The following ZNF730 variants were observed in gnomAD, a reference collection of about 807,000 sequenced individuals.
ZNF730 encodes putative zinc finger protein 730.
In ZNF730, 12 loss-of-function variants were observed where a neutral mutation model predicts 12.6. The ratio of observed to expected loss-of-function variants is 0.95; its 90% CI spans 0.61 to 1.54. The LOEUF is 1.54. Among genes scored for constraint, ZNF730 ranks in the 40% most tolerant of loss-of-function variants. ZNF730 has a pLI of 0.00. For synonymous variants in ZNF730, 194 were observed against 195.8 expected, an observed-to-expected ratio of 0.99 and a Z score of 0.08; for missense variants, 643 against 583.5, an observed-to-expected ratio of 1.10 and a Z score of -1.05.
chr19:23,129,128 G>C (rs1157148993), intron 1 of ZNF730, among the ~76,000 whole-genome samples: 1 of 152,210 alleles, frequency 6.6e-6, no homozygotes. Flanking sequence ...TTTGCAGCAG[G>C]GGTGAAGGCC....
At chr19:23,127,438 C>T in intron 1 of ZNF730, 1 of 1,084,730 alleles carries the variant, frequency 9.2e-7, no homozygotes, top group Non-Finnish European at 1.4e-6. Context: ...TGAATTCTTC[C>T]TTTGTCATTG....
intron 1 of ZNF730, among the ~76,000 whole-genome samples, chr19:23,091,295 T>G (rs924375044): frequency 3.3e-5 from 5 of 152,208 alleles, no homozygotes; most frequent in African/African-American, 1.2e-4. Context: ...AGAAGTTTGC[T>G]GCAGGGGTGG....
chr19:23,084,958 T>C (rs750966086), intron 1 of ZNF730, among the ~76,000 whole-genome samples: 7 of 152,228 alleles, frequency 4.6e-5, no homozygotes, highest in Non-Finnish European at 8.8e-5. Flanking sequence ...GAAGAATTTA[T>C]ATTCTTTTAG....
intron 2 of ZNF730, among the ~76,000 whole-genome samples, chr19:23,135,239 A>T (rs1183182219): frequency 4.8e-5 from 6 of 124,140 alleles, no homozygotes; most frequent in African/African-American, 1.6e-4. Flanking sequence ...AAAAAAAAAA[A>T]AAAAAAAAAA....
intron 3 of ZNF730, among the ~76,000 whole-genome samples, chr19:23,140,087 G>A (rs1476283606): frequency 6.6e-6 from 1 of 151,324 alleles, no homozygotes; most frequent in East Asian, 1.9e-4. Flanking sequence ...GTGTGTGTAT[G>A]TGTGTATCTA....
At chr19:23,128,608 A>T (rs554623503) in intron 1 of ZNF730, 48 of 174,542 alleles carry the variant, frequency 2.8e-4, no homozygotes, top group East Asian at 2.0e-3. Flanking sequence ...GCAAAATTTT[A>T]AAAAAATTAA....
At chr19:23,090,263 C>T (rs1970134529) in intron 1 of ZNF730, among the ~76,000 whole-genome samples, 1 of 150,470 alleles carries the variant, frequency 6.6e-6, no homozygotes, top group African/African-American at 2.5e-5. Context: ...AAAAAAAAAT[C>T]CCAGCTGAGG....
upstream of ZNF730, among the ~76,000 whole-genome samples, chr19:23,112,319 C>T (rs1444653620): frequency 6.6e-6 from 1 of 152,116 alleles, no homozygotes; most frequent in African/African-American, 2.4e-5. Flanking sequence ...TATGGCTCTA[C>T]AAACAATAGA....
intron 1 of ZNF730, among the ~76,000 whole-genome samples, chr19:23,104,801 C>G (rs1970373519): frequency 6.6e-6 from 1 of 152,120 alleles, no homozygotes; most frequent in Non-Finnish European, 1.5e-5. Context: ...ATATCCTTGT[C>G]TACACAGTCT....
intron 3 of ZNF730, among the ~76,000 whole-genome samples, chr19:23,139,192 GT>G (rs1319149181): frequency 1.3e-5 from 2 of 151,982 alleles, no homozygotes; most frequent in African/African-American, 4.8e-5. Context: ...CAAATATTTG[GT>G]TTATATATCA....
chr19:23,096,774 G>T (rs1372737962), intron 1 of ZNF730, among the ~76,000 whole-genome samples: 1 of 152,162 alleles, frequency 6.6e-6, no homozygotes, highest in Non-Finnish European at 1.5e-5. Flanking sequence ...TTGGGCTTTG[G>T]CCAAGCAGGG....
At chr19:23,114,300 C>CTTTTTTTTTTTTTTTTTTTTTTT (rs11413226), upstream of ZNF730, among the ~76,000 whole-genome samples, 17 of 119,540 alleles carry the variant, frequency 1.4e-4, 3 homozygotes, top group African/African-American at 5.2e-4. Context: ...TTTTCTTTTT[C>CTTTTTTTTTTTTTTTTTTTTTTT]TTTTCTTTTT....
At chr19:23,113,689 A>T (rs1970481226), upstream of ZNF730, among the ~76,000 whole-genome samples, 1 of 152,194 alleles carries the variant, frequency 6.6e-6, no homozygotes, top group South Asian at 2.1e-4. Context: ...ATCTTAACAC[A>T]AGGGGTTTCC....
At chr19:23,085,537 CAG>C (rs1365739785) in intron 1 of ZNF730, among the ~76,000 whole-genome samples, 1 of 109,016 alleles carries the variant, frequency 9.2e-6, no homozygotes, top group Non-Finnish European at 1.7e-5. Flanking sequence ...TAAATATAGA[CAG>C]AGTCTTGCTC....
chr19:23,101,561 T>G (rs139963751), intron 1 of ZNF730, among the ~76,000 whole-genome samples: 40 of 152,338 alleles, frequency 2.6e-4, no homozygotes, highest in African/African-American at 8.9e-4. Flanking sequence ...CTTAGTGATT[T>G]GACTTTGCTG....
intron 1 of ZNF730, among the ~76,000 whole-genome samples, chr19:23,080,715 C>G (rs1209259080): frequency 2.0e-5 from 3 of 151,890 alleles, no homozygotes; most frequent in Admixed American, 6.6e-5. Flanking sequence ...ATGTTGTGTT[C>G]CCCAAATCAT....
intron 1 of ZNF730, chr19:23,128,184 T>C: frequency 1.2e-6 from 1 of 831,914 alleles, no homozygotes; most frequent in Non-Finnish European, 2.1e-6. Flanking sequence ...GAGGCTTGTC[T>C]ATCCCTCACA....
At chr19:23,136,346 T>C (rs1310440932) in intron 3 of ZNF730, among the ~76,000 whole-genome samples, 3 of 152,236 alleles carry the variant, frequency 2.0e-5, no homozygotes, top group African/African-American at 7.2e-5. Flanking sequence ...CCATTGTTTC[T>C]GGAAACACAC....
chr19:23,117,599 G>T (rs971550216), intron 1 of ZNF730, among the ~76,000 whole-genome samples: 14 of 152,186 alleles, frequency 9.2e-5, no homozygotes, highest in African/African-American at 2.6e-4. Context: ...AAATATTAAA[G>T]AATTTAATTA....
Sources: allele counts gnomAD v4.1 joint callset (sites outside exome capture counted in the v4.1 genomes callset), GRCh38; gene constraint gnomAD v4.1.1; transcripts MANE v1.5; gene names NCBI Gene and HGNC (gene_info 2026-07-23, HGNC 2026-07-21).